Variants in MEGF11 observed in about 807,000 individuals in gnomAD.
MEGF11 encodes multiple epidermal growth factor-like domains protein 11.
Under a neutral mutation model 146.6 loss-of-function variants are expected in MEGF11, and 126 were observed. The ratio of observed to expected loss-of-function variants is 0.86; its 90% CI spans 0.74 to 1.00. MEGF11 has a LOEUF of 1.00. Among genes scored for constraint, MEGF11 ranks in the 50% least tolerant of loss-of-function variants. The pLI, the probability that MEGF11 is intolerant of heterozygous loss-of-function variation, is 0.00. For synonymous variants in MEGF11, 532 were observed against 583.4 expected (o/e 0.91, Z 1.27); for missense variants, 1,509 against 1,521.2 (o/e 0.99, Z 0.13).
chr15:66,027,571 A>C (rs2083377868), intron 5 of MEGF11, among the ~76,000 whole-genome samples: 1 of 152,066 alleles, frequency 6.6e-6, no homozygotes, highest in South Asian at 2.1e-4. Context: ...TTCCTGTTCC[A>C]TCACCCCCTA....
At chr15:66,137,504 T>C (rs887872266) in intron 1 of MEGF11, among the ~76,000 whole-genome samples, 18 of 151,968 alleles carry the variant, frequency 1.2e-4, no homozygotes, top group African/African-American at 4.3e-4. Context: ...GCTCGGAGTA[T>C]GTTAAAAACA....
chr15:66,214,775 C>G (rs566010338), intron 1 of MEGF11, among the ~76,000 whole-genome samples: 2 of 152,236 alleles, frequency 1.3e-5, no homozygotes, highest in South Asian at 4.2e-4. Flanking sequence ...CTGTGGGCAC[C>G]CTTGCCACGC....
chr15:66,110,299 T>A (rs546249561), intron 4 of MEGF11, among the ~76,000 whole-genome samples: 1 of 152,336 alleles, frequency 6.6e-6, no homozygotes, highest in Non-Finnish European at 1.5e-5. Context: ...AATGAATTAA[T>A]TGGTATCAGG....
intron 1 of MEGF11, among the ~76,000 whole-genome samples, chr15:66,234,641 C>T (rs900400002): frequency 2.3e-4 from 35 of 152,172 alleles, no homozygotes; most frequent in African/African-American, 3.4e-4. Flanking sequence ...GGATCCCAAT[C>T]GGGTCCCTAC....
intron 5 of MEGF11, among the ~76,000 whole-genome samples, chr15:66,037,180 T>A (rs1188818302): frequency 6.6e-6 from 1 of 152,158 alleles, no homozygotes; most frequent in Admixed American, 6.5e-5. Context: ...CCTCGCAGCA[T>A]CCAGCCCTCC....
intron 10 of MEGF11, among the ~76,000 whole-genome samples, chr15:65,955,755 A>ATATATATATAT (rs1567174814): frequency 7.2e-5 from 1 of 13,842 alleles, no homozygotes; most frequent in African/African-American, 1.6e-4. Context: ...AAAAAAAAAA[A>ATATATATATAT]AAAAAAATAT....
chr15:66,067,267 C>T (rs55781516), intron 5 of MEGF11, among the ~76,000 whole-genome samples: 58,561 of 152,024 alleles, frequency 0.39, 12,777 homozygotes, highest in South Asian at 0.55. Context: ...AATCCCTGTA[C>T]GTTACTACTG....
At chr15:66,178,224 G>A (rs62009886) in intron 1 of MEGF11, among the ~76,000 whole-genome samples, 21,762 of 152,148 alleles carry the variant, frequency 0.14, 1,981 homozygotes, top group Admixed American at 0.23. Context: ...GGGCTCAAGC[G>A]ATCTGCCTTC....
At chr15:66,171,172 C>G (rs540191159) in intron 1 of MEGF11, among the ~76,000 whole-genome samples, 1 of 152,328 alleles carries the variant, frequency 6.6e-6, no homozygotes, top group South Asian at 2.1e-4. Flanking sequence ...GTTGGAGTCA[C>G]GGTGACCACA....
chr15:65,966,916 C>T (rs1021555868), intron 8 of MEGF11, among the ~76,000 whole-genome samples: 3 of 151,732 alleles, frequency 2.0e-5, no homozygotes, highest in Admixed American at 6.6e-5. Flanking sequence ...CAACTAGATC[C>T]GGATAAGTCA....
At chr15:66,227,277 C>G (rs2091874081) in intron 1 of MEGF11, among the ~76,000 whole-genome samples, 1 of 152,130 alleles carries the variant, frequency 6.6e-6, no homozygotes, top group Admixed American at 6.5e-5. Flanking sequence ...CCTCCTGGAG[C>G]TGCTGTGAGG....
chr15:66,121,620 G>C (rs376634047), intron 3 of MEGF11, among the ~76,000 whole-genome samples: 6 of 152,142 alleles, frequency 3.9e-5, no homozygotes, highest in African/African-American at 7.2e-5. Flanking sequence ...AACCTTGCTC[G>C]TTTGAAGAAC....
At chr15:66,205,145 G>T (rs1348566729) in intron 1 of MEGF11, among the ~76,000 whole-genome samples, 1 of 152,080 alleles carries the variant, frequency 6.6e-6, no homozygotes, top group Non-Finnish European at 1.5e-5. Flanking sequence ...GAAACTTTTA[G>T]ATAATAGCCA....
intron 24 of MEGF11, among the ~76,000 whole-genome samples, chr15:65,904,521 G>GTACT (rs2078572536): frequency 6.6e-6 from 1 of 152,156 alleles, no homozygotes; most frequent in Admixed American, 6.5e-5. Flanking sequence ...TCAGAATGCA[G>GTACT]TACTTACCAC....
At chr15:65,967,968 G>C (rs1237777068) in intron 8 of MEGF11, among the ~76,000 whole-genome samples, 1 of 152,156 alleles carries the variant, frequency 6.6e-6, no homozygotes, top group Non-Finnish European at 1.5e-5. Context: ...TAGAGTTAAG[G>C]AGGCTGCCAT....
intron 8 of MEGF11, among the ~76,000 whole-genome samples, chr15:65,970,177 A>G (rs942851159): frequency 6.6e-6 from 1 of 152,018 alleles, no homozygotes; most frequent in Non-Finnish European, 1.5e-5. Context: ...AGGACTAAAA[A>G]TGCCCTTCCA....
At chr15:66,147,334 A>G (rs1221498951) in intron 1 of MEGF11, among the ~76,000 whole-genome samples, 1 of 152,174 alleles carries the variant, frequency 6.6e-6, no homozygotes, top group Non-Finnish European at 1.5e-5. Context: ...CATGCCCTTC[A>G]TCCAGTCATT....
intron 4 of MEGF11, among the ~76,000 whole-genome samples, chr15:66,099,208 T>TTTTG (rs2086681998): frequency 6.9e-6 from 1 of 144,492 alleles, no homozygotes; most frequent in Non-Finnish European, 1.5e-5. Flanking sequence ...CTTTTTCTTT[T>TTTTG]TTTTTTTTTT....
rs193112359 is a variant in MEGF11 at position 66,227,617 on chromosome 15, G to C, written c.-9+25988C>G. ...TCTCCTGGGGCAGGACCCCCATTGA[G>C]CTTCACCCAGCTTCTCAGCATCTCC... On this transcript the variant is annotated intron_variant, in intron 1 of 25. Transcript: ENST00000395614. Among the ~76,000 whole-genome samples, 577 of 152,252 alleles carry C rather than the reference G, an allele frequency of 3.8e-3. 2 individuals are homozygous for C. The highest frequency in any genetic ancestry group is 5.5e-3 in the Non-Finnish European group (377 of 68,012).
Sources: allele counts gnomAD v4.1 joint callset (sites outside exome capture counted in the v4.1 genomes callset), GRCh38; gene constraint gnomAD v4.1.1; transcripts MANE v1.5; gene names NCBI Gene and HGNC (gene_info 2026-07-23, HGNC 2026-07-21).